Variants in ZNF532 observed in about 807,000 individuals in gnomAD.
ZNF532 encodes the protein zinc finger protein 532.
Under a neutral mutation model 89.3 loss-of-function variants are expected in ZNF532, and 22 were observed. The ratio of observed to expected loss-of-function variants is 0.25; its 90% confidence interval spans 0.18 to 0.35. The LOEUF (loss-of-function observed/expected upper bound fraction) is 0.35, where lower values mean the gene tolerates loss of function less well. ZNF532 is among the 10% of genes least tolerant of loss of function. The pLI is 1.00. For missense variants in ZNF532, 1,132 were observed against 1,643.4 expected (o/e 0.69, Z 5.38); for synonymous variants, 606 against 649.6 (o/e 0.93, Z 1.02).
intron 8 of ZNF532, 105 bp from the exon 9 acceptor site, chr18:58,981,365 C>T (rs1201210999): frequency 2.8e-6 from 4 of 1,438,690 alleles, no homozygotes; most frequent in Non-Finnish European, 3.8e-6. Context: ...CTTATTGGAC[C>T]TGTCTGTGTG....
upstream of ZNF532, chr18:58,864,077 G>C (rs918615552): frequency 6.6e-6 from 1 of 152,128 alleles, no homozygotes; most frequent in Admixed American, 6.5e-5. Flanking sequence ...TCCCCCCGCC[G>C]GCGCCGGCCG....
At position 58,920,592 on chromosome 18, in the gene ZNF532, C is replaced by T. The variant is rs1475014642; in HGVS notation, c.2305C>T (p.Leu769=). Residue 769 remains leucine (L), a synonymous_variant, in exon 3 of 10, where the codon CTG becomes TTG. Transcript: ENST00000591808. ...TGAAGTCTTCCAGGACGAGACATCACTGGCTACACATTTCCAGCAGGCTGC... is the reference window on the plus strand; with the variant it reads ...TGAAGTCTTCCAGGACGAGACATCATTGGCTACACATTTCCAGCAGGCTGC... ...CNEVFQDETS[L]ATHFQQAADT... is the part of the protein sequence containing the mutation. 4 of 1,602,678 alleles carry T rather than the reference C, an allele frequency of 2.5e-6. No homozygotes were observed. The highest frequency in any genetic ancestry group is 3.4e-6 in the Non-Finnish European group (4 of 1,172,362).
At chr18:58,938,169 C>T (rs1041271101) in intron 4 of ZNF532, among the ~76,000 whole-genome samples, 14 of 152,212 alleles carry the variant, frequency 9.2e-5, no homozygotes, top group African/African-American at 2.4e-4. Flanking sequence ...CACTGCCCCC[C>T]GGAAACCAGG....
chr18:58,886,601 T>C (rs1451530028), intron 2 of ZNF532, among the ~76,000 whole-genome samples: 1 of 152,184 alleles, frequency 6.6e-6, no homozygotes, highest in Non-Finnish European at 1.5e-5. Flanking sequence ...ATCTGAAAAA[T>C]AAAGGATGTA....
intron 2 of ZNF532, among the ~76,000 whole-genome samples, chr18:58,909,693 G>A (rs2060164639): frequency 6.6e-6 from 1 of 152,126 alleles, no homozygotes; most frequent in Non-Finnish European, 1.5e-5. Context: ...ACAGGCACGC[G>A]GGAACACGGA....
intron 2 of ZNF532, among the ~76,000 whole-genome samples, chr18:58,883,877 G>T (rs1444281275): frequency 2.6e-5 from 4 of 152,152 alleles, no homozygotes; most frequent in Non-Finnish European, 4.4e-5. Context: ...AAGCCTTGTA[G>T]TAAGAACAAT....
intron 2 of ZNF532, among the ~76,000 whole-genome samples, chr18:58,877,215 G>A (rs1423311791): frequency 9.9e-5 from 15 of 152,174 alleles, no homozygotes; most frequent in Admixed American, 9.8e-4. Context: ...CCTTAGAATG[G>A]GGGTTAGAAG....
At chr18:58,873,825 G>A (rs17756418) in intron 2 of ZNF532, among the ~76,000 whole-genome samples, 14,311 of 152,190 alleles carry the variant, frequency 0.094, 669 homozygotes, top group Middle Eastern at 0.17. Flanking sequence ...TAAAGGCCAC[G>A]GAGATTTTCA....
At chr18:58,879,135 GT>G (rs1216363980) in intron 2 of ZNF532, among the ~76,000 whole-genome samples, 1 of 152,200 alleles carries the variant, frequency 6.6e-6, no homozygotes, top group African/African-American at 2.4e-5. Context: ...GGCCAGTGGG[GT>G]TGTGAGGCAC....
chr18:58,950,060 A>C (rs1030023202), intron 6 of ZNF532, among the ~76,000 whole-genome samples: 1 of 152,258 alleles, frequency 6.6e-6, no homozygotes, highest in Non-Finnish European at 1.5e-5. Context: ...ACTGCTAATA[A>C]AAATTTAGGG....
chr18:58,932,190 T>G (rs762670385), intron 3 of ZNF532, among the ~76,000 whole-genome samples: 6 of 152,192 alleles, frequency 3.9e-5, no homozygotes, highest in Non-Finnish European at 8.8e-5. Context: ...CTCTTTCTCC[T>G]TGTGCTTCTG....
At chr18:58,880,788 G>A (rs1297823793) in intron 2 of ZNF532, among the ~76,000 whole-genome samples, 1 of 151,844 alleles carries the variant, frequency 6.6e-6, no homozygotes, top group Non-Finnish European at 1.5e-5. Context: ...GTGTGTGTGT[G>A]TATGTTTGGG....
intron 2 of ZNF532, among the ~76,000 whole-genome samples, chr18:58,875,153 T>G (rs202093141): frequency 6.8e-6 from 1 of 147,706 alleles, no homozygotes; most frequent in African/African-American, 2.5e-5. Flanking sequence ...TTCCCCCCCC[T>G]TTTTTTCTCT....
At chr18:58,978,469 A>G in intron 7 of ZNF532, among the ~76,000 whole-genome samples, 1 of 152,170 alleles carries the variant, frequency 6.6e-6, no homozygotes, top group African/African-American at 2.4e-5. Context: ...TCAGTAAAAG[A>G]TTTATATAAT....
chr18:58,905,703 C>T (rs556148472), intron 2 of ZNF532, among the ~76,000 whole-genome samples: 2 of 152,290 alleles, frequency 1.3e-5, no homozygotes, highest in African/African-American at 4.8e-5. Context: ...TAACTATTCA[C>T]TATTTCTATC....
At chr18:58,913,313 G>A (rs2060395316) in intron 2 of ZNF532, among the ~76,000 whole-genome samples, 1 of 152,150 alleles carries the variant, frequency 6.6e-6, no homozygotes, top group African/African-American at 2.4e-5. Context: ...TATAAAAACT[G>A]GGGATGCTAG....
chr18:58,884,703 A>G (rs1401455625), intron 2 of ZNF532, among the ~76,000 whole-genome samples: 2 of 152,272 alleles, frequency 1.3e-5, no homozygotes, highest in African/African-American at 4.8e-5. Context: ...ATCCCTTGTT[A>G]CTAGTATTCA....
intron 6 of ZNF532, among the ~76,000 whole-genome samples, chr18:58,951,918 G>A (rs554507066): frequency 5.3e-5 from 8 of 152,194 alleles, no homozygotes; most frequent in African/African-American, 1.2e-4. Flanking sequence ...CAAAGTGCTG[G>A]GATTACAGGC....
chr18:58,941,954 C>T (rs1165629029), intron 5 of ZNF532, among the ~76,000 whole-genome samples: 2 of 134,758 alleles, frequency 1.5e-5, no homozygotes, highest in Non-Finnish European at 3.3e-5. Flanking sequence ...TTCCTTTCCT[C>T]CCTCCCTCTC....
Sources: gnomAD v4.1 joint callset for allele counts (sites outside exome capture counted in the v4.1 genomes callset) on GRCh38, gnomAD v4.1.1 for gene constraint, MANE v1.5 for transcripts, NCBI Gene and HGNC (gene_info 2026-07-23, HGNC 2026-07-21) for gene names.